The following USP26 variants were observed in gnomAD, a reference collection of about 807,000 sequenced individuals.
USP26 encodes ubiquitin specific peptidase 26, also known as ubiquitin carboxyl-terminal hydrolase 26.
For missense variants in USP26, 649 were observed against 642.3 expected (o/e 1.01, Z -0.11); for synonymous variants, 236 against 240.6 (o/e 0.98, Z 0.18).
intron 5 of USP26, among the ~76,000 whole-genome samples, chrX:133,055,734 G>T (rs781539149): frequency 9.0e-6 from 1 of 111,701 alleles, no homozygotes; most frequent in South Asian, 3.9e-4. Context: ...GCAAGGTTTT[G>T]TTTCTGGTGA....
At chrX:133,065,960 G>A (rs1045377113) in intron 5 of USP26, among the ~76,000 whole-genome samples, 2 of 111,838 alleles carry the variant, frequency 1.8e-5, no homozygotes, top group African/African-American at 6.5e-5. Flanking sequence ...TGACATGATT[G>A]TATATCTAGA....
At chrX:133,058,611 T>C (rs772474021) in intron 5 of USP26, among the ~76,000 whole-genome samples, 9 of 111,964 alleles carry the variant, frequency 8.0e-5, no homozygotes, top group Non-Finnish European at 1.5e-4. Context: ...ATGTTTCTTT[T>C]GATTTATCTT....
chrX:133,029,987 C>A (rs932981222), intron 5 of USP26, among the ~76,000 whole-genome samples: 1 of 111,781 alleles, frequency 8.9e-6, no homozygotes, highest in Non-Finnish European at 1.9e-5. Flanking sequence ...TTCATTCTGC[C>A]TTGATTGCTT....
In USP26 at chrX:133,028,172, T is replaced by C. The variant is rs1416594001; in HGVS notation, c.49A>G (p.Thr17Ala). 2.5e-6 allele frequency: 3 copies of C among 1,208,577 alleles called. No homozygotes were observed. In the Admixed American group the frequency reaches 6.6e-5, roughly 26 times the overall value. ...RGFVQIGNCKTGISKSKEAFI... is the reference protein window; with the variant it reads ...RGFVQIGNCKAGISKSKEAFI... ...GCTTCTTTTGACTTAGATATCCCAG[T>C]CTTGCAGTTCCCTATTTGGACAAAA... The change falls in exon 6 of 6, where the codon ACT becomes GCT. Residue 17 changes from threonine to alanine, a missense_variant. Transcript: ENST00000511190.
At chrX:133,086,895 C>G (rs1216102716) in intron 4 of USP26, among the ~76,000 whole-genome samples, 56 of 78,770 alleles carry the variant, frequency 7.1e-4, no homozygotes, top group Non-Finnish European at 1.2e-3. Context: ...GTGTCGGTGA[C>G]AGAGAGAGAC....
At chrX:133,056,697 G>A (rs1205164607) in intron 5 of USP26, among the ~76,000 whole-genome samples, 1 of 111,945 alleles carries the variant, frequency 8.9e-6, no homozygotes, top group Non-Finnish European at 1.9e-5. Flanking sequence ...CTGCTATTAT[G>A]GCTGTTGTCA....
At chrX:133,061,939 T>C (rs769128127) in intron 5 of USP26, among the ~76,000 whole-genome samples, 1 of 111,074 alleles carries the variant, frequency 9.0e-6, no homozygotes, top group South Asian at 3.8e-4. Flanking sequence ...ACAGAACCAT[T>C]CATTCCCCTG....
chrX:133,069,869 G>A (rs1475829393), intron 5 of USP26, among the ~76,000 whole-genome samples: 4 of 111,763 alleles, frequency 3.6e-5, no homozygotes, highest in African/African-American at 1.3e-4. Context: ...GTAAAGGGCA[G>A]AGGGCAGAAT....
chrX:133,065,958 T>C (rs755741692), intron 5 of USP26, among the ~76,000 whole-genome samples: 15 of 111,913 alleles, frequency 1.3e-4, no homozygotes, highest in Admixed American at 6.7e-4. Context: ...GATGACATGA[T>C]TGTATATCTA....
At chrX:133,089,412 A>T (rs1179597092) in intron 4 of USP26, among the ~76,000 whole-genome samples, 1 of 111,788 alleles carries the variant, frequency 8.9e-6, no homozygotes, top group Non-Finnish European at 1.9e-5. Flanking sequence ...CTTCCATCCC[A>T]GATAGCTAGA....
intron 5 of USP26, among the ~76,000 whole-genome samples, chrX:133,063,275 G>A (rs895217574): frequency 9.0e-6 from 1 of 111,303 alleles, no homozygotes; most frequent in Non-Finnish European, 1.9e-5. Context: ...AAAGTGATGG[G>A]GAGAATGGAA....
At chrX:133,070,453 A>G (rs2067527021) in intron 5 of USP26, among the ~76,000 whole-genome samples, 1 of 111,352 alleles carries the variant, frequency 9.0e-6, no homozygotes, top group Admixed American at 9.6e-5. Flanking sequence ...TTCATTCATG[A>G]TACCCTCCAG....
At chrX:133,091,113 G>T (rs1199909650) in intron 2 of USP26, among the ~76,000 whole-genome samples, 1 of 112,297 alleles carries the variant, frequency 8.9e-6, no homozygotes, top group Non-Finnish European at 1.9e-5. Context: ...AGCAATGTCT[G>T]CAGAGCAAGG....
At position 133,025,951 on chromosome X, in the gene USP26, G is replaced by A. The variant is rs781464012; in HGVS notation, c.2270C>T (p.Pro757Leu). ...ICEQAPQQALPQSFPKPGTQG... is the reference protein window; with the variant it reads ...ICEQAPQQALLQSFPKPGTQG... ...GGTGCCTGGCTTTGGAAAGCTTTGA[G>A]GCAGTGCCTGCTGAGGGGCTTGTTC... The change falls in exon 6 of 6, where the codon CCT becomes CTT. Residue 757 changes from proline to leucine, a missense_variant. By Grantham distance (98) the Pro-to-Leu change is moderately conservative. Transcript: ENST00000511190. 6 of 1,211,351 alleles carry A rather than the reference G, an allele frequency of 5.0e-6. No individual in the cohort carries two copies. Among genetic ancestry groups the A allele is most frequent in the Admixed American group, 2.2e-5 (1 of 45,945 alleles).
intron 5 of USP26, among the ~76,000 whole-genome samples, chrX:133,063,131 G>A (rs868515645): frequency 1.8e-5 from 2 of 110,924 alleles, no homozygotes; most frequent in Non-Finnish European, 3.8e-5. Context: ...GGATATCAGA[G>A]ATTGATGATC....
intron 5 of USP26, among the ~76,000 whole-genome samples, chrX:133,040,956 T>C (rs1485208867): frequency 1.8e-5 from 2 of 110,098 alleles, no homozygotes; most frequent in African/African-American, 6.6e-5. Context: ...CTTCATTCTG[T>C]GATAACCTTT....
chrX:133,086,932 A>C (rs1186456422), intron 4 of USP26, among the ~76,000 whole-genome samples: 2 of 107,660 alleles, frequency 1.9e-5, no homozygotes, highest in Non-Finnish European at 3.8e-5. Flanking sequence ...AAAAAAAAAA[A>C]AGGTAACAAT....
intron 5 of USP26, among the ~76,000 whole-genome samples, chrX:133,074,688 T>C (rs1285198298): frequency 8.9e-6 from 1 of 112,577 alleles, no homozygotes; most frequent in East Asian, 2.8e-4. Flanking sequence ...CTCTCATCAG[T>C]TCCTCTGGAG....
At chrX:133,054,779 C>T (rs1050547827) in intron 5 of USP26, among the ~76,000 whole-genome samples, 2 of 112,018 alleles carry the variant, frequency 1.8e-5, no homozygotes, top group African/African-American at 6.5e-5. Context: ...CAAACCCTGC[C>T]CTCAAGATCC....
Sources: allele counts gnomAD v4.1 joint callset (sites outside exome capture counted in the v4.1 genomes callset), GRCh38; gene constraint gnomAD v4.1.1; transcripts MANE v1.5; gene names NCBI Gene and HGNC (gene_info 2026-07-23, HGNC 2026-07-21).